PPARGC1A: variants seen among roughly 807,000 people sequenced by gnomAD.
PPARGC1A encodes the protein peroxisome proliferator-activated receptor gamma coactivator 1-alpha.
Under a neutral mutation model 88.7 loss-of-function variants are expected in PPARGC1A, and 25 were observed. The ratio of observed to expected loss-of-function variants is 0.28; its 90% CI spans 0.21 to 0.39. The LOEUF is 0.39. PPARGC1A is among the 10% of genes least tolerant of loss of function. The probability of loss-of-function intolerance (pLI) is 1.00; values close to 1 mark genes in which losing one functional copy is unlikely to be tolerated. For synonymous variants in PPARGC1A, 363 were observed against 355.6 expected (o/e 1.02, Z -0.24); for missense variants, 880 against 968.7 (o/e 0.91, Z 1.22).
chr4:24,263,464 C>T, the PPARGC1A span, among the ~76,000 whole-genome samples: 2 of 58,124 alleles, frequency 3.4e-5, no homozygotes, highest in Admixed American at 3.2e-4. Flanking sequence ...TATACACACA[C>T]ACACACACAC....
the PPARGC1A span, among the ~76,000 whole-genome samples, chr4:24,446,981 C>G: frequency 1.3e-5 from 2 of 152,094 alleles, no homozygotes; most frequent in African/African-American, 4.8e-5. Context: ...TCAAAGACAC[C>G]CCTTTCTAGA....
the PPARGC1A span, among the ~76,000 whole-genome samples, chr4:24,382,505 T>C: frequency 1.3e-5 from 2 of 152,120 alleles, no homozygotes; most frequent in African/African-American, 4.8e-5. Context: ...AACTGCTACG[T>C]AAGAAAAAAA....
chr4:24,350,211 GT>G, the PPARGC1A span, among the ~76,000 whole-genome samples: 1 of 152,164 alleles, frequency 6.6e-6, no homozygotes, highest in Non-Finnish European at 1.5e-5. Context: ...AGGATTGCTG[GT>G]TTGTTCTTGC....
the PPARGC1A span, among the ~76,000 whole-genome samples, chr4:24,424,571 A>C: frequency 3.9e-5 from 6 of 152,160 alleles, no homozygotes; most frequent in Non-Finnish European, 8.8e-5. Flanking sequence ...CACCGCGCCC[A>C]GCCGCTATAC....
At chr4:23,937,656 AT>A in the PPARGC1A span, among the ~76,000 whole-genome samples, 639 of 152,326 alleles carry the variant, frequency 4.2e-3, 2 homozygotes, top group African/African-American at 0.014. Flanking sequence ...GTAGAAATGT[AT>A]TGTTCAATTT....
chr4:24,456,805 G>T, the PPARGC1A span, among the ~76,000 whole-genome samples: 3 of 152,038 alleles, frequency 2.0e-5, no homozygotes, highest in African/African-American at 7.2e-5. Context: ...TGGTTACACT[G>T]GAGTTTAATG....
chr4:23,878,192 T>A (rs971707987), intron 2 of PPARGC1A, among the ~76,000 whole-genome samples: 1 of 152,078 alleles, frequency 6.6e-6, no homozygotes, highest in African/African-American at 2.4e-5. Context: ...AATGTCCCAG[T>A]TTACTTTCTG....
the PPARGC1A span, among the ~76,000 whole-genome samples, chr4:24,235,802 C>T: frequency 6.6e-6 from 1 of 152,124 alleles, no homozygotes; most frequent in Non-Finnish European, 1.5e-5. Flanking sequence ...GTAAGGTAGA[C>T]TCATCCACAG....
At chr4:24,398,068 T>C in the PPARGC1A span, among the ~76,000 whole-genome samples, 2 of 152,256 alleles carry the variant, frequency 1.3e-5, no homozygotes, top group East Asian at 3.8e-4. Context: ...TCTGTCAAGA[T>C]GCTCTTTGCA....
the PPARGC1A span, among the ~76,000 whole-genome samples, chr4:24,285,850 T>C: frequency 6.6e-6 from 1 of 152,180 alleles, no homozygotes; most frequent in Non-Finnish European, 1.5e-5. Context: ...AGGATAAAAA[T>C]ATGTGATTTC....
the PPARGC1A span, among the ~76,000 whole-genome samples, chr4:24,437,942 G>C: frequency 1.3e-5 from 2 of 152,122 alleles, no homozygotes; most frequent in Non-Finnish European, 2.9e-5. Flanking sequence ...CTCCCAAAGT[G>C]CTGGGATTAC....
chr4:23,814,421 C>A lies in PPARGC1A; in HGVS notation c.1062G>T (p.Leu354Phe). 6.2e-7 allele frequency: 1 copy of A among 1,613,724 alleles called. No individual in the cohort carries two copies. The highest frequency in any genetic ancestry group is 8.5e-7 in the Non-Finnish European group (1 of 1,179,896). ...CTGAGGACTTGCTGAGTTGTGCATA[C>A]AACTCGGATTGCTCCGGCCCTTTCT... ...STKKGPEQSE[L>F]YAQLSKSSVL... is the part of the protein sequence containing the mutation. Residue 354 changes from leucine to phenylalanine, a missense_variant, in exon 8 of 13, where the codon TTG (leucine) becomes TTT (phenylalanine). Physicochemically the swap from Leu to Phe is conservative, Grantham distance 22. Coordinates refer to ENST00000264867, the MANE Select transcript of PPARGC1A (RefSeq NM_013261.5).
At chr4:24,054,111 T>A in the PPARGC1A span, among the ~76,000 whole-genome samples, 1 of 152,112 alleles carries the variant, frequency 6.6e-6, no homozygotes, top group Non-Finnish European at 1.5e-5. Flanking sequence ...AGTGTTGAAA[T>A]CTCTAATGGA....
At chr4:23,973,497 A>G in the PPARGC1A span, among the ~76,000 whole-genome samples, 2 of 152,320 alleles carry the variant, frequency 1.3e-5, no homozygotes, top group South Asian at 4.1e-4. Flanking sequence ...AGAGAGAGAG[A>G]GGAAACCCTC....
At chr4:24,392,366 T>A in the PPARGC1A span, among the ~76,000 whole-genome samples, 2 of 152,186 alleles carry the variant, frequency 1.3e-5, no homozygotes, top group Admixed American at 6.5e-5. Context: ...TGCAGTAGAA[T>A]CCTGAAAAGA....
the PPARGC1A span, among the ~76,000 whole-genome samples, chr4:24,228,798 A>C: frequency 8.5e-5 from 13 of 152,238 alleles, no homozygotes; most frequent in Non-Finnish European, 1.9e-4. Flanking sequence ...TGAACCAATT[A>C]AGGCTGTAAC....
intron 10 of PPARGC1A, among the ~76,000 whole-genome samples, chr4:23,811,275 T>G (rs780104217): frequency 1.3e-5 from 2 of 152,294 alleles, no homozygotes; most frequent in South Asian, 4.1e-4. Flanking sequence ...TGCAAAATTG[T>G]GTTGATGTTA....
chr4:24,289,081 G>A, the PPARGC1A span, among the ~76,000 whole-genome samples: 829 of 152,124 alleles, frequency 5.4e-3, 2 homozygotes, highest in Non-Finnish European at 8.4e-3. Flanking sequence ...TTAGCTGGGC[G>A]TAGTGGTGTC....
Position 23,831,700 on chromosome 4 carries a change from G to C in PPARGC1A, c.286C>G (p.Leu96Val). The C allele has an allele frequency of 6.2e-7, 1 of 1,613,974 alleles. No homozygotes were observed. The highest frequency in any genetic ancestry group is 8.5e-7 in the Non-Finnish European group (1 of 1,179,864). Reference sequence around the variant, plus strand: ...TCTTCATCCACAGGGAGACTGTCTAGTGTCTCTGTGAGGACTGCTAGCAAG... The same window carrying C: ...TCTTCATCCACAGGGAGACTGTCTACTGTCTCTGTGAGGACTGCTAGCAAG... Reference protein sequence around the residue: ...ANLLAVLTETLDSLPVDEDGL... With the variant: ...ANLLAVLTETVDSLPVDEDGL... Residue 96 changes from leucine to valine, a missense_variant, in exon 3 of 13, where the codon CTA (leucine) becomes GTA (valine). Transcript: ENST00000264867.
Sources: allele counts gnomAD v4.1 joint callset (sites outside exome capture counted in the v4.1 genomes callset), GRCh38; gene constraint gnomAD v4.1.1; transcripts MANE v1.5; gene names NCBI Gene and HGNC (gene_info 2026-07-23, HGNC 2026-07-21).